The following SLC25A24 variants were observed in gnomAD, a reference collection of about 807,000 sequenced individuals.
SLC25A24 encodes solute carrier family 25 member 24.
Under a neutral mutation model 60.7 loss-of-function variants are expected in SLC25A24, and 49 were observed. That is an observed-to-expected ratio of 0.81 (90% CI 0.64 to 1.02). SLC25A24 has a LOEUF of 1.02. Ranked by LOEUF, SLC25A24 falls within the 50% of genes least tolerant of loss-of-function variation. The pLI, the probability that SLC25A24 is intolerant of heterozygous loss-of-function variation, is 0.00. For missense variants in SLC25A24, 564 were observed against 586.3 expected (o/e 0.96, Z 0.39); for synonymous variants, 202 against 200.6 (o/e 1.01, Z -0.06).
intron 3 of SLC25A24, among the ~76,000 whole-genome samples, chr1:108,178,187 CAAATA>C (rs758576551): frequency 2.6e-5 from 4 of 151,612 alleles, no homozygotes; most frequent in Admixed American, 6.6e-5. Context: ...ACAACAACAA[CAAATA>C]AAATAAAATA....
chr1:108,181,919 T>C lies in SLC25A24; in HGVS notation c.398+22A>G, dbSNP rs17514537. 38,440 of 1,553,552 alleles carry C rather than the reference T, an allele frequency of 0.025. 567 individuals are homozygous for C. Among genetic ancestry groups the C allele is most frequent in the Non-Finnish European group, 0.029 (33,142 of 1,127,318 alleles). ...AGAATATTAAAGTGAAAGTCAATTG[T>C]TGACCAACATGAAGAGCTTACCTTT... On this transcript the variant is annotated intron_variant, in intron 3 of 9. Coordinates refer to ENST00000565488, the MANE Select transcript of SLC25A24 (RefSeq NM_013386.5).
At chr1:108,163,685 T>A (rs892708633) in intron 3 of SLC25A24, among the ~76,000 whole-genome samples, 2 of 151,574 alleles carry the variant, frequency 1.3e-5, no homozygotes, top group African/African-American at 4.9e-5. Context: ...CTTAAGGAGA[T>A]TTTGGGCTGA....
rs368057759 is a variant in SLC25A24 at position 108,143,696 on chromosome 1, C to T, written c.945G>A (p.Arg315=). ...ACTGCCCAGTTTTGCCTACAGCCAG[C>T]CTGGTTTTCATAACCTGGATATAAA... is the stretch of plus-strand genomic sequence containing the variant. ...FIYPMEVMKT[R]LAVGKTGQYS... The change falls in exon 8 of 10, where the codon AGG becomes AGA. Residue 315 remains arginine (R), a synonymous_variant. Transcript: ENST00000565488. 2.7e-5 allele frequency: 44 copies of T among 1,608,822 alleles called. No individual in the cohort carries two copies. The highest frequency in any genetic ancestry group is 3.6e-5 in the Non-Finnish European group (43 of 1,178,436).
chr1:108,136,455 C>A lies in SLC25A24; in HGVS notation c.*198G>T. On this transcript the variant is annotated 3_prime_UTR_variant, in exon 10 of 10. Transcript: ENST00000565488. Reference sequence around the variant, plus strand: ...ATAATTGTGTGGCCTTTTCAAAACACATTAAAACTATGATTTTGAACATTT... The same window carrying A: ...ATAATTGTGTGGCCTTTTCAAAACAAATTAAAACTATGATTTTGAACATTT... 1.9e-6 allele frequency: 1 copy of A among 529,476 alleles called. No homozygotes were observed. The highest frequency in any genetic ancestry group is 2.8e-5 in the South Asian group (1 of 35,308). The allele number at this position is 529,476 out of a possible 1,614,324, so 32.8% of individuals were successfully genotyped here.
chr1:108,152,847 T>C (rs1679792022), intron 6 of SLC25A24, among the ~76,000 whole-genome samples: 1 of 152,236 alleles, frequency 6.6e-6, no homozygotes, highest in Non-Finnish European at 1.5e-5. Context: ...GTGAAAGTGC[T>C]GTAACAAAAG....
At chr1:108,139,497 A>G (rs1679387788) in intron 8 of SLC25A24, among the ~76,000 whole-genome samples, 1 of 152,200 alleles carries the variant, frequency 6.6e-6, no homozygotes, top group South Asian at 2.1e-4. Flanking sequence ...GTGAGTATTA[A>G]TAAAATAATA....
intron 1 of SLC25A24, among the ~76,000 whole-genome samples, chr1:108,196,818 GA>G (rs1648513003): frequency 6.6e-6 from 1 of 152,076 alleles, no homozygotes; most frequent in Non-Finnish European, 1.5e-5. Context: ...GAAGAAAGAA[GA>G]TGGGGGTAGA....
intron 3 of SLC25A24, among the ~76,000 whole-genome samples, chr1:108,180,617 T>TCC (rs1491412812): frequency 0.21 from 1,573 of 7,418 alleles, 76 homozygotes; most frequent in African/African-American, 0.43. Flanking sequence ...AAGAGAAAGA[T>TCC]CTCTCTCTCT....
intron 1 of SLC25A24, among the ~76,000 whole-genome samples, chr1:108,193,270 T>C (rs1648402010): frequency 7.2e-6 from 1 of 138,324 alleles, no homozygotes; most frequent in African/African-American, 2.5e-5. Flanking sequence ...GAGCTCCTAA[T>C]CGTGCCATCA....
intron 7 of SLC25A24, among the ~76,000 whole-genome samples, chr1:108,146,129 C>T (rs1267618891): frequency 6.6e-6 from 1 of 152,202 alleles, no homozygotes; most frequent in Non-Finnish European, 1.5e-5. Context: ...AGGTCCTTCA[C>T]ATCCCTTGTA....
intron 1 of SLC25A24, among the ~76,000 whole-genome samples, chr1:108,195,267 A>G (rs755857370): frequency 5.9e-5 from 9 of 152,214 alleles, no homozygotes; most frequent in Non-Finnish European, 1.3e-4. Flanking sequence ...GGGCAATCAT[A>G]TACCAGGCAG....
At chr1:108,157,806 A>G (rs1053527406) in intron 4 of SLC25A24, among the ~76,000 whole-genome samples, 186 bp from the exon 5 acceptor site, 1 of 152,228 alleles carries the variant, frequency 6.6e-6, no homozygotes, top group Admixed American at 6.5e-5. Flanking sequence ...GTACAGTATC[A>G]GTTCACAAGA....
chr1:108,180,922 T>A (rs1359402436), intron 3 of SLC25A24, among the ~76,000 whole-genome samples: 1 of 152,230 alleles, frequency 6.6e-6, no homozygotes, highest in South Asian at 2.1e-4. Context: ...TATAGGAATA[T>A]GATTTCTGGC....
chr1:108,177,400 A>G (rs1647714032), intron 3 of SLC25A24, among the ~76,000 whole-genome samples: 1 of 152,218 alleles, frequency 6.6e-6, no homozygotes, highest in East Asian at 1.9e-4. Flanking sequence ...ATGGTAGTAC[A>G]AAGTCCTTAC....
intron 2 of SLC25A24, among the ~76,000 whole-genome samples, chr1:108,184,022 G>A (rs74543989): frequency 0.026 from 3,939 of 152,184 alleles, 184 homozygotes; most frequent in African/African-American, 0.091. Flanking sequence ...TATATGTTTT[G>A]CATTAAGGAA....
chr1:108,154,557 C>T (rs181732226), intron 6 of SLC25A24, among the ~76,000 whole-genome samples: 57 of 152,272 alleles, frequency 3.7e-4, no homozygotes, highest in Non-Finnish European at 1.5e-5. Flanking sequence ...CACGCCCCTG[C>T]CTTCATGGAG....
chr1:108,185,299 C>A (rs1220091869), intron 2 of SLC25A24, among the ~76,000 whole-genome samples: 1 of 152,184 alleles, frequency 6.6e-6, no homozygotes, highest in African/African-American at 2.4e-5. Flanking sequence ...AAGTCATAAT[C>A]TTAACCAGAA....
chr1:108,197,090 G>C (rs772227464), intron 1 of SLC25A24, among the ~76,000 whole-genome samples: 1 of 145,870 alleles, frequency 6.9e-6, no homozygotes, highest in Non-Finnish European at 1.5e-5. Context: ...ATACAGAAAA[G>C]AAAGGTCATA....
chr1:108,188,831 A>G (rs1648237703), intron 1 of SLC25A24, among the ~76,000 whole-genome samples: 1 of 152,212 alleles, frequency 6.6e-6, no homozygotes, highest in Non-Finnish European at 1.5e-5. Flanking sequence ...TTAGGCATGC[A>G]TAGTTACCTC....
Sources: allele counts gnomAD v4.1 joint callset (sites outside exome capture counted in the v4.1 genomes callset), GRCh38; gene constraint gnomAD v4.1.1; transcripts MANE v1.5; gene names NCBI Gene and HGNC (gene_info 2026-07-23, HGNC 2026-07-21).